DDX11: variants seen among roughly 807,000 people sequenced by gnomAD.
DDX11 encodes the protein DEAD/H-box helicase 11, also known as ATP-dependent DNA helicase DDX11.
A neutral mutation model predicts 125.2 loss-of-function variants in DDX11; 72 were observed. The ratio of observed to expected loss-of-function variants is 0.58; its 90% confidence interval spans 0.48 to 0.70. DDX11 has a LOEUF of 0.70. DDX11 is among the 30% of genes least tolerant of loss of function. The pLI is 0.00. For missense variants in DDX11, 883 were observed against 1,165.0 expected (o/e 0.76, Z 3.52); for synonymous variants, 347 against 452.6 (o/e 0.77, Z 2.96).
chr12:31,074,950 G>A (rs2140360341), intron 1 of DDX11, among the ~76,000 whole-genome samples: 1 of 152,320 alleles, frequency 6.6e-6, no homozygotes, highest in Non-Finnish European at 1.5e-5. Context: ...ATGTGGGGAG[G>A]ACACAACTGA....
intron 18 of DDX11, among the ~76,000 whole-genome samples, chr12:31,099,076 C>CTTTTTTTTTTTTT (rs1945864738): frequency 9.9e-5 from 6 of 60,550 alleles, no homozygotes; most frequent in African/African-American, 2.4e-4. Flanking sequence ...GTATTTCTTT[C>CTTTTTTTTTTTTT]TTTCTTTCTT....
chr12:31,100,309 A>T, intron 18 of DDX11: 1 of 250,350 alleles, frequency 4.0e-6, no homozygotes. Flanking sequence ...AAGCCTGGAG[A>T]TTCTTATTCA....
At chr12:31,102,218 G>A in intron 21 of DDX11, 25 bp from the exon 22 acceptor site, 1 of 1,611,462 alleles carries the variant, frequency 6.2e-7, no homozygotes, top group East Asian at 2.2e-5. Context: ...ACCTGTCTCT[G>A]GGAAATGTCC....
At chr12:31,086,625 A>G (rs1018840870) in intron 5 of DDX11, among the ~76,000 whole-genome samples, 9 of 152,194 alleles carry the variant, frequency 5.9e-5, no homozygotes, top group African/African-American at 2.2e-4. Flanking sequence ...CCGTGGGGAC[A>G]AGGCAGAGAA....
chr12:31,089,241 G>A (rs1943721431), intron 7 of DDX11, 90 bp downstream of exon 7: 1 of 1,393,086 alleles, frequency 7.2e-7, no homozygotes. Context: ...GAGACGCTGG[G>A]TCTGTGACAG....
chr12:31,075,085 C>G (rs1236791854), intron 1 of DDX11, among the ~76,000 whole-genome samples: 3 of 152,202 alleles, frequency 2.0e-5, no homozygotes, highest in Non-Finnish European at 4.4e-5. Context: ...TGAGCGTGAG[C>G]TTTGCTGTCC....
At chr12:31,093,441 T>G in intron 12 of DDX11, 117 bp downstream of exon 12, 9 of 1,391,830 alleles carry the variant, frequency 6.5e-6, no homozygotes, top group Non-Finnish European at 8.0e-6. Context: ...GTCGGCCGGG[T>G]GCGGTGGCTC....
intron 1 of DDX11, 127 bp from the exon 2 acceptor site, chr12:31,078,263 G>A: frequency 6.3e-7 from 1 of 1,591,540 alleles, no homozygotes; most frequent in Non-Finnish European, 8.6e-7. Flanking sequence ...CATGGTCTCT[G>A]CTTCCCAGAA....
intron 2 of DDX11, among the ~76,000 whole-genome samples, chr12:31,081,416 C>G (rs1941904971): frequency 6.6e-6 from 1 of 152,186 alleles, no homozygotes; most frequent in Non-Finnish European, 1.5e-5. Context: ...GCCCCAGATG[C>G]TGTTTATCCT....
chr12:31,087,499 T>G (rs1464021057), intron 5 of DDX11: 2 of 317,326 alleles, frequency 6.3e-6, no homozygotes, highest in Admixed American at 7.9e-5. Context: ...CTGGAGGAGG[T>G]GATGTTTCTG....
rs1303951439 is a variant in DDX11, at chr12:31,098,004, A to G, written c.1875+7A>G. 6 of 1,611,388 alleles carry G rather than the reference A, an allele frequency of 3.7e-6. No individual in the cohort carries two copies. Among genetic ancestry groups the G allele is most frequent in the Non-Finnish European group, 5.1e-6 (6 of 1,177,992 alleles). On this transcript the variant is annotated splice_region_variant and intron_variant, in intron 18 of 26. Coordinates refer to ENST00000542838, the MANE Select transcript of DDX11 (RefSeq NM_030653.4). ...GGGGGGTACCATGCAGCCGGTAAGG[A>G]CACCTTTCCCAGCCCCTCGTGCCCC...
At position 31,104,060 on chromosome 12, in the gene DDX11, C is replaced by T. The variant is rs12578575; in HGVS notation, c.*224C>T. On this transcript the variant is annotated 3_prime_UTR_variant, in exon 27 of 27. Coordinates refer to ENST00000542838, the MANE Select transcript of DDX11 (RefSeq NM_030653.4). Reference sequence around the variant, plus strand: ...CAGTGGGTCCTGGCTGTCCTTGGGGCGTTCCAGGGCAGCTCCCCTCCTGGA... The same window carrying T: ...CAGTGGGTCCTGGCTGTCCTTGGGGTGTTCCAGGGCAGCTCCCCTCCTGGA... 31,183 of 1,541,450 alleles carry T rather than the reference C, an allele frequency of 0.02. 2,237 individuals carry two copies. The East Asian group carries it at 0.22, about 11-fold the overall frequency.
In DDX11 at chr12:31,091,801, T is replaced by C. The variant is rs1565889142; in HGVS notation, c.1172T>C (p.Ile391Thr). 2 of 1,613,770 alleles carry C rather than the reference T, an allele frequency of 1.2e-6. No homozygotes were observed. The highest frequency in any genetic ancestry group is 3.3e-5 in the Admixed American group (2 of 60,006). ...ATCCGGCTGCAGGACCAGGTGGTGA[T>C]CATCGACGAGGCGCACAACCTGATC... is the stretch of plus-strand genomic sequence containing the variant. ...AGIRLQDQVV[I>T]IDEAHNLIDT... The change falls in exon 10 of 27, where the codon ATC (isoleucine) becomes ACC (threonine). Residue 391 changes from isoleucine (I) to threonine (T), a missense_variant. Physicochemically the swap from Ile to Thr is moderately conservative, Grantham distance 89. Transcript: ENST00000542838.
chr12:31,098,785 A>C (rs555838301), intron 18 of DDX11, among the ~76,000 whole-genome samples: 1 of 152,100 alleles, frequency 6.6e-6, no homozygotes, highest in Non-Finnish European at 1.5e-5. Context: ...TGTTTACAGT[A>C]ATTATTGTTT....
At chr12:31,083,547 G>C (rs1363314011) in intron 2 of DDX11, among the ~76,000 whole-genome samples, 2 of 152,086 alleles carry the variant, frequency 1.3e-5, no homozygotes, top group African/African-American at 2.4e-5. Flanking sequence ...CTGATAAACT[G>C]CTTCAAATTT....
At chr12:31,089,176 C>G (rs904156537) in intron 7 of DDX11, 25 bp downstream of exon 7, 1 of 1,588,886 alleles carries the variant, frequency 6.3e-7, no homozygotes, top group Non-Finnish European at 8.6e-7. Flanking sequence ...GTATTTCCAC[C>G]AGGGGCCATC....
chr12:31,096,635 A>G lies in DDX11; in HGVS notation c.1522-2A>G. On this transcript the variant is annotated splice_acceptor_variant, in intron 15 of 26. Transcript: ENST00000542838. LOFTEE classifies it high-confidence loss of function. ...TCCACTGCTCTCTCTCATCCCACCC[A>G]GCTCTTTGGATTCACTGAACGGTAC... The G allele has an allele frequency of 1.2e-6, 2 of 1,613,138 alleles. No individual in the cohort carries two copies. The highest frequency in any genetic ancestry group is 2.2e-5 in the South Asian group (2 of 91,028).
rs528174751 is a variant in DDX11, at chr12:31,081,843, C to T, written c.145-1970C>T. 2.8e-5 allele frequency among the ~76,000 whole-genome samples: 3 copies of T among 106,400 alleles called. 1 individual carries two copies. The highest frequency in any genetic ancestry group is 3.2e-4 in the South Asian group (1 of 3,158). 69.8% of individuals were successfully genotyped at this position (106,400 alleles called of 152,430 possible). A position where few individuals can be genotyped will look rare whatever the true frequency, so the allele number is the denominator to read the frequency against. On this transcript the variant is annotated intron_variant, in intron 2 of 26. Transcript: ENST00000542838. ...CTCAGTTATTCTTTTGCTGTTGTGCCGGAGTATACCACGGTTGTTTTTGAA... is the reference window on the plus strand; with the variant it reads ...CTCAGTTATTCTTTTGCTGTTGTGCTGGAGTATACCACGGTTGTTTTTGAA...
chr12:31,081,095 C>G (rs1176148377), intron 2 of DDX11, among the ~76,000 whole-genome samples: 1 of 152,234 alleles, frequency 6.6e-6, no homozygotes, highest in African/African-American at 2.4e-5. Flanking sequence ...TCAGGTCTTT[C>G]CATCTCAGTC....
Sources: gnomAD v4.1 joint callset for allele counts (sites outside exome capture counted in the v4.1 genomes callset) on GRCh38, gnomAD v4.1.1 for gene constraint, MANE v1.5 for transcripts, NCBI Gene and HGNC (gene_info 2026-07-23, HGNC 2026-07-21) for gene names.